MAF1: variants seen among roughly 807,000 people sequenced by gnomAD.
MAF1 encodes MAF1 negative regulator of RNA polymerase III, also known as repressor of RNA polymerase III transcription MAF1 homolog.
Under a neutral mutation model 31.9 loss-of-function variants are expected in MAF1, and 7 were observed. That is an observed-to-expected ratio of 0.22 (90% CI 0.12 to 0.41). The LOEUF (loss-of-function observed/expected upper bound fraction) is 0.41. Ranked by LOEUF, MAF1 falls within the 10% of genes least tolerant of loss-of-function variation. The pLI, the probability that MAF1 is intolerant of heterozygous loss-of-function variation, is 1.00. For missense variants in MAF1, 221 were observed against 323.1 expected (o/e 0.68, Z 2.42); for synonymous variants, 157 against 120.0 (o/e 1.31, Z -2.02).
At chr8:144,105,484 C>T (rs1005645551) in intron 1 of MAF1, 156 bp from the exon 2 acceptor site, 3 of 599,344 alleles carry the variant, frequency 5.0e-6, no homozygotes, top group Non-Finnish European at 8.9e-6. Flanking sequence ...TCTGTCACCT[C>T]TCCTGGCCGG....
rs758085288 is a variant in MAF1, at chr8:144,106,121, C to A, written c.258C>A (p.Asp86Glu). 14 of 1,613,610 alleles carry A rather than the reference C, an allele frequency of 8.7e-6. No individual in the cohort carries two copies. The highest frequency in any genetic ancestry group is 1.2e-5 in the Non-Finnish European group (14 of 1,180,042). The change falls in exon 4 of 8, where the codon GAC becomes GAA. Residue 86 changes from aspartate (D) to glutamate (E), a missense_variant. Asp to Glu is a conservative substitution (Grantham distance 45). Transcript: ENST00000322428. ...QGGEEEGPLS[D>E]KCSRKTLFYL... is the part of the protein sequence containing the mutation. ...GTGAGGAGGAGGGCCCCCTCAGTGA[C>A]AAGTGCAGCCGCAAGACCCTCTTCT...
intron 7 of MAF1, 60 bp from the exon 8 acceptor site, chr8:144,107,028 T>G (rs752196848): frequency 3.2e-6 from 5 of 1,559,558 alleles, no homozygotes; most frequent in Non-Finnish European, 4.3e-6. Flanking sequence ...GGTGGGGGCC[T>G]CCTCTACTTG....
rs544807186 is a variant in MAF1, at chr8:144,107,043, A to G, written c.750-45A>G. ...GGTGGGGGCCTCCTCTACTTGGTCT[A>G]AGTGGTGGCTCCTGAAGGCCCACTG... On this transcript the variant is annotated intron_variant, in intron 7 of 7. Transcript: ENST00000322428. 16 of 1,566,544 alleles carry G rather than the reference A, an allele frequency of 1.0e-5. No homozygotes were observed. In the East Asian group the frequency reaches 1.7e-4, roughly 16 times the overall value.
At position 144,104,514 on chromosome 8, in the gene MAF1, G is replaced by C. The variant is rs970819204; in HGVS notation, c.-389G>C. On this transcript the variant is annotated 5_prime_UTR_variant, in exon 1 of 8. Transcript: ENST00000322428. Reference sequence around the variant, plus strand: ...GACGCTTGTTGTTGTCCGGCCGGGGGAGGCGGAGGTCGCTCGCTCGCTCGC... The same window carrying C: ...GACGCTTGTTGTTGTCCGGCCGGGGCAGGCGGAGGTCGCTCGCTCGCTCGC... 1.6e-4 allele frequency: 24 copies of C among 152,212 alleles called. No individual in the cohort carries two copies. The highest frequency in any genetic ancestry group is 5.3e-4 in the African/African-American group (22 of 41,432). The allele number at this position is 152,212 out of a possible 1,614,324, so 9.4% of individuals were successfully genotyped here. A position where few individuals can be genotyped will look rare whatever the true frequency, so the allele number is the denominator to read the frequency against.
intron 6 of MAF1, 51 bp from the exon 7 acceptor site, chr8:144,106,784 G>C (rs766402828): frequency 2.6e-6 from 4 of 1,557,444 alleles, no homozygotes; most frequent in Non-Finnish European, 3.5e-6. Context: ...CCTGGGGCCA[G>C]CAGCAGGCCT....
chr8:144,107,042 T>G, intron 7 of MAF1, 46 bp from the exon 8 acceptor site: 1 of 1,565,906 alleles, frequency 6.4e-7, no homozygotes, highest in Non-Finnish European at 8.7e-7. Context: ...CTACTTGGTC[T>G]AAGTGGTGGC....
At position 144,105,853 on chromosome 8, in the gene MAF1, T is replaced by C. The variant is rs1401814831; in HGVS notation, c.84-16T>C. ...CTGGGGGAAGCATGCTTCATGGTTC[T>C]CTCTGCATCCTATAGGATTGAGAGC... On this transcript the variant is annotated splice_polypyrimidine_tract_variant and intron_variant, in intron 2 of 7. Coordinates refer to ENST00000322428, the MANE Select transcript of MAF1 (RefSeq NM_032272.5). 3 of 1,612,962 alleles carry C rather than the reference T, an allele frequency of 1.9e-6. No individual in the cohort carries two copies. Among genetic ancestry groups the C allele is most frequent in the Non-Finnish European group, 2.5e-6 (3 of 1,179,998 alleles).
rs1836431345 is a variant in MAF1 at position 144,107,128 on chromosome 8, C to A, written c.*19C>A. ...TATTTGATGAGGAGGAGCCGAGGCC[C>A]CAGCTTCATCCAGCTTCAACCAATG... On this transcript the variant is annotated 3_prime_UTR_variant, in exon 8 of 8. Coordinates refer to ENST00000322428, the MANE Select transcript of MAF1 (RefSeq NM_032272.5). 6.4e-7 allele frequency: 1 copy of A among 1,555,338 alleles called. No homozygotes were observed. The highest frequency in any genetic ancestry group is 1.4e-5 in the African/African-American group (1 of 73,280).
chr8:144,106,896 G>C lies in MAF1; in HGVS notation c.682G>C (p.Glu228Gln). 3.3e-6 allele frequency: 5 copies of C among 1,531,558 alleles called. No individual in the cohort carries two copies. Among genetic ancestry groups the C allele is most frequent in the Non-Finnish European group, 4.4e-6 (5 of 1,141,884 alleles). 94.9% of individuals were successfully genotyped at this position (1,531,558 alleles called of 1,614,324 possible). A position where few individuals can be genotyped will look rare whatever the true frequency, so the allele number is the denominator to read the frequency against. ...GCTGGACATGGAGCTGGGGGAGGAG[G>C]AGGTGGAGGAAGAAAGCAGAAGCGG... ...NELDMELGEE[E>Q]VEEESRSGGS... Residue 228 changes from glutamate (E) to glutamine (Q), a missense_variant, in exon 7 of 8, where the codon GAG (glutamate) becomes CAG (glutamine). Coordinates refer to ENST00000322428, the MANE Select transcript of MAF1 (RefSeq NM_032272.5).
intron 6 of MAF1, 62 bp from the exon 7 acceptor site, chr8:144,106,773 C>T: frequency 6.4e-7 from 1 of 1,561,906 alleles, no homozygotes; most frequent in Non-Finnish European, 8.7e-7. Context: ...TGAACATCCT[C>T]CCTGGGGCCA....
chr8:144,105,637 C>A lies in MAF1; in HGVS notation c.-44-3C>A. ...ACCCATGGTCTGGTCTCTCACTCCCCAGGCAATACTAGCCCCTCTGGAGCA... is the reference window on the plus strand; with the variant it reads ...ACCCATGGTCTGGTCTCTCACTCCCAAGGCAATACTAGCCCCTCTGGAGCA... On this transcript the variant is annotated splice_region_variant and splice_polypyrimidine_tract_variant and intron_variant, in intron 1 of 7. Coordinates refer to ENST00000322428, the MANE Select transcript of MAF1 (RefSeq NM_032272.5). The A allele has an allele frequency of 6.4e-7, 1 of 1,554,838 alleles. No individual in the cohort carries two copies. Among genetic ancestry groups the A allele is most frequent in the Non-Finnish European group, 8.9e-7 (1 of 1,127,256 alleles).
chr8:144,107,032 C>T, intron 7 of MAF1, 56 bp from the exon 8 acceptor site: 1 of 1,561,274 alleles, frequency 6.4e-7, no homozygotes, highest in Non-Finnish European at 8.7e-7. Flanking sequence ...GGGGCCTCCT[C>T]TACTTGGTCT....
In MAF1 at chr8:144,106,134, A is replaced by G; in HGVS notation, c.271A>G (p.Lys91Glu). 6.2e-7 allele frequency: 1 copy of G among 1,613,760 alleles called. No homozygotes were observed. Among genetic ancestry groups the G allele is most frequent in the Non-Finnish European group, 8.5e-7 (1 of 1,180,022 alleles). The part of the protein sequence containing the change: ...EGPLSDKCSR[K>E]TLFYLIATLN... Reference sequence around the variant, plus strand: ...CCCCCTCAGTGACAAGTGCAGCCGCAAGACCCTCTTCTACCTGATTGCCAC... The same window carrying G: ...CCCCCTCAGTGACAAGTGCAGCCGCGAGACCCTCTTCTACCTGATTGCCAC... Residue 91 changes from lysine (K) to glutamate (E), a missense_variant, in exon 4 of 8, where the codon AAG (lysine) becomes GAG (glutamate). Lys to Glu is a moderately conservative substitution (Grantham distance 56). Transcript: ENST00000322428.
At chr8:144,105,848 G>C in intron 2 of MAF1, 21 bp from the exon 3 acceptor site, 1 of 1,612,956 alleles carries the variant, frequency 6.2e-7, no homozygotes, top group South Asian at 1.1e-5. Flanking sequence ...CATGCTTCAT[G>C]GTTCTCTCTG....
chr8:144,107,041 C>CT, intron 7 of MAF1, 47 bp from the exon 8 acceptor site: 1 of 1,565,356 alleles, frequency 6.4e-7, no homozygotes, highest in Non-Finnish European at 8.7e-7. Context: ...TCTACTTGGT[C>CT]TAAGTGGTGG....
At chr8:144,105,238 G>T (rs1338675673) in intron 1 of MAF1, 1 of 171,814 alleles carries the variant, frequency 5.8e-6, no homozygotes, top group Non-Finnish European at 1.3e-5. Context: ...CCAGCCTGAG[G>T]GAGACTGCAG....
chr8:144,107,056 TG>T, intron 7 of MAF1, 31 bp from the exon 8 acceptor site: 1 of 1,571,508 alleles, frequency 6.4e-7, no homozygotes, highest in South Asian at 1.2e-5. Context: ...TGGTGGCTCC[TG>T]AAGGCCCACT....
chr8:144,105,958 C>T lies in MAF1; in HGVS notation c.173C>T (p.Ala58Val). 1 of 1,613,262 alleles carries T rather than the reference C, an allele frequency of 6.2e-7. No homozygotes were observed. The highest frequency in any genetic ancestry group is 1.1e-5 in the South Asian group (1 of 91,082). Residue 58 changes from alanine to valine, a missense_variant, in exon 3 of 8, where the codon GCA becomes GTA. Ala to Val is a moderately conservative substitution (Grantham distance 64, BLOSUM62 0). Coordinates refer to ENST00000322428, the MANE Select transcript of MAF1 (RefSeq NM_032272.5). ...CQEGQPHVLE[A>V]LSPPQTSGLS... is the part of the protein sequence containing the mutation. ...GAGGGCCAGCCCCACGTGCTGGAGG[C>T]ACTTTCTCCACCCCAGACTTCAGGA...
In MAF1 at chr8:144,105,925, T is replaced by A. The variant is rs1196513610; in HGVS notation, c.140T>A (p.Phe47Tyr). Residue 47 changes from phenylalanine (F) to tyrosine (Y), a missense_variant, in exon 3 of 8, where the codon TTC (phenylalanine) becomes TAC (tyrosine). Around this residue, in one of 2 missense-constraint regions of MAF1, gnomAD observed 146 missense variants for 263.1 expected, o/e 0.56. Transcript: ENST00000322428. ...AGDDKHMFKQ[F>Y]CQEGQPHVLE... The stretch of plus-strand genomic sequence containing the variant: ...GACGACAAACACATGTTCAAGCAGT[T>A]CTGCCAGGAGGGCCAGCCCCACGTG... The A allele has an allele frequency of 6.2e-7, 1 of 1,612,972 alleles. No individual in the cohort carries two copies. Among genetic ancestry groups the A allele is most frequent in the Non-Finnish European group, 8.5e-7 (1 of 1,180,024 alleles).
Sources: gnomAD v4.1 joint callset for allele counts on GRCh38, gnomAD v4.1.1 for gene constraint, gnomAD v4.1.1 regional missense constraint, MANE v1.5 for transcripts, NCBI Gene and HGNC (gene_info 2026-07-23, HGNC 2026-07-21) for gene names.